The following AKT2 variants were observed in gnomAD, a reference collection of about 807,000 sequenced individuals.
AKT2 encodes the protein AKT serine/threonine kinase 2.
AKT2 carries 16 observed loss-of-function variants against 58.6 expected under a neutral mutation model. That is an observed-to-expected ratio of 0.27 (90% CI 0.18 to 0.41). The LOEUF (loss-of-function observed/expected upper bound fraction) is 0.41. AKT2 is among the 10% of genes least tolerant of loss of function. AKT2 has a pLI of 1.00. For missense variants in AKT2, 438 were observed against 661.0 expected, an observed-to-expected ratio of 0.66 and a Z score of 3.70; for synonymous variants, 253 against 254.0, an observed-to-expected ratio of 1.00 and a Z score of 0.04.
chr19:40,253,538 T>C (rs1215408076), intron 4 of AKT2, among the ~76,000 whole-genome samples: 1 of 151,450 alleles, frequency 6.6e-6, no homozygotes, highest in Non-Finnish European at 1.5e-5. Context: ...GAAAGGAAAG[T>C]TAAACACCCC....
Position 40,235,433 on chromosome 19 carries a change from A to G in AKT2, c.1176-83T>C. 1 of 1,179,910 alleles carries G rather than the reference A, an allele frequency of 8.5e-7. No individual in the cohort carries two copies. Among genetic ancestry groups the G allele is most frequent in the East Asian group, 2.4e-5 (1 of 42,308 alleles). The allele number at this position is 1,179,910 out of a possible 1,614,324, so 73.1% of individuals were successfully genotyped here. On this transcript the variant is annotated intron_variant, in intron 11 of 13. Coordinates refer to ENST00000392038, the MANE Select transcript of AKT2 (RefSeq NM_001626.6). This position sits in a 1 kb window ranked among gnomAD's most constrained non-coding sequence, Gnocchi z 6.3. ...GGCTTTCGGAGCAGGCAGGCCCTGT[A>G]TGGCCCTTAATGATTCTGTCTTGAC...
intron 3 of AKT2, among the ~76,000 whole-genome samples, chr19:40,255,636 G>A (rs942970451): frequency 3.3e-5 from 5 of 152,194 alleles, no homozygotes; most frequent in African/African-American, 1.2e-4. Context: ...GAGGGTACAC[G>A]GAGAACAGAC....
Position 40,242,200 on chromosome 19 carries a change from G to T in AKT2, c.442-131C>A. Reference sequence around the variant, plus strand: ...GGCTTAGGCTGGAGCAGGAAGGGAGGCTCTGGGCAGCAACTGTGTGTTCTG... The same window carrying T: ...GGCTTAGGCTGGAGCAGGAAGGGAGTCTCTGGGCAGCAACTGTGTGTTCTG... On this transcript the variant is annotated intron_variant, in intron 5 of 13. Coordinates refer to ENST00000392038, the MANE Select transcript of AKT2 (RefSeq NM_001626.6). This position sits in a 1 kb window ranked among gnomAD's most constrained non-coding sequence, Gnocchi z 4.3. 2 of 1,316,918 alleles carry T rather than the reference G, an allele frequency of 1.5e-6. No individual in the cohort carries two copies. Among genetic ancestry groups the T allele is most frequent in the Non-Finnish European group, 2.1e-6 (2 of 940,446 alleles). The allele number at this position is 1,316,918 out of a possible 1,614,324, so 81.6% of individuals were successfully genotyped here. A position where few individuals can be genotyped will look rare whatever the true frequency, so the allele number is the denominator to read the frequency against.
intron 1 of AKT2, among the ~76,000 whole-genome samples, chr19:40,265,743 G>C (rs916386022): frequency 2.6e-5 from 4 of 152,066 alleles, no homozygotes; most frequent in African/African-American, 9.7e-5. Context: ...GGCAGCCCAG[G>C]GTACCTGAGG....
At position 40,238,049 on chromosome 19, in the gene AKT2, G is replaced by A. The variant is rs773553776; in HGVS notation, c.751C>T (p.Arg251Trp). ...ATCTCTGCACCATAAAACCGGGCCC[G>A]CTCCTCTGTGAAGACACGCTCCCGG... ...LSRERVFTEE[R>W]ARFYGAEIVS... Residue 251 changes from arginine to tryptophan, a missense_variant, in exon 9 of 14, where the codon CGG (arginine) becomes TGG (tryptophan). Arg to Trp is a moderately radical substitution (Grantham distance 101, BLOSUM62 -3). Coordinates refer to ENST00000392038, the MANE Select transcript of AKT2 (RefSeq NM_001626.6). The surrounding 1 kb of genome is among the most constrained non-coding windows in gnomAD (Gnocchi z 5.1). 6 of 1,608,012 alleles carry A rather than the reference G, an allele frequency of 3.7e-6. No individual in the cohort carries two copies. The highest frequency in any genetic ancestry group is 2.2e-5 in the East Asian group (1 of 44,696).
intron 1 of AKT2, among the ~76,000 whole-genome samples, chr19:40,273,055 C>G (rs1418974779): frequency 3.3e-5 from 5 of 152,212 alleles, no homozygotes; most frequent in East Asian, 1.9e-4. Context: ...CAAATATTAT[C>G]ATCACTGGCC....
rs554056815 is a variant in AKT2 at position 40,281,106 on chromosome 19, T to G, written c.-85+4075A>C. Among the ~76,000 whole-genome samples the G allele has an allele frequency of 2.0e-5, 3 of 152,264 alleles. No homozygotes were observed. The East Asian group carries it at 5.8e-4, about 29-fold the overall frequency. Reference sequence around the variant, plus strand: ...CCTCTCACCCAGGCCCACAGGCCAGTGCAGCACAGCCCCTGCCAACCCCTG... The same window carrying G: ...CCTCTCACCCAGGCCCACAGGCCAGGGCAGCACAGCCCCTGCCAACCCCTG... On this transcript the variant is annotated intron_variant, in intron 1 of 13. Transcript: ENST00000392038.
intron 1 of AKT2, among the ~76,000 whole-genome samples, chr19:40,279,816 G>C (rs529194185): frequency 6.6e-6 from 1 of 152,244 alleles, no homozygotes; most frequent in East Asian, 1.9e-4. Flanking sequence ...CTGGTTGGGG[G>C]ACTCAGCACA....
intron 1 of AKT2, among the ~76,000 whole-genome samples, chr19:40,284,375 G>A (rs1356133572): frequency 6.6e-6 from 1 of 152,114 alleles, no homozygotes; most frequent in African/African-American, 2.4e-5. Flanking sequence ...CCTATGGAAG[G>A]AAAGAACTGT....
At chr19:40,271,288 G>A (rs960647520) in intron 1 of AKT2, among the ~76,000 whole-genome samples, 2 of 149,000 alleles carry the variant, frequency 1.3e-5, no homozygotes, top group African/African-American at 4.9e-5. Context: ...GTAGTCAGGT[G>A]TGGTGGTGTG....
At chr19:40,261,315 C>T (rs549051519) in intron 2 of AKT2, among the ~76,000 whole-genome samples, 1 of 152,062 alleles carries the variant, frequency 6.6e-6, no homozygotes, top group Non-Finnish European at 1.5e-5. Context: ...GGTGGATCAC[C>T]TGAGGTCAGG....
chr19:40,265,216 T>A lies in AKT2; in HGVS notation c.46+6A>T. Reference sequence around the variant, plus strand: ...AAGAATCTGGCGGGCAAAAGCGGCCTCTTACCACGCTTGTGGAGCCAGCCT... The same window carrying A: ...AAGAATCTGGCGGGCAAAAGCGGCCACTTACCACGCTTGTGGAGCCAGCCT... On this transcript the variant is annotated splice_donor_region_variant and intron_variant, in intron 2 of 13. Coordinates refer to ENST00000392038, the MANE Select transcript of AKT2 (RefSeq NM_001626.6). The A allele has an allele frequency of 6.2e-7, 1 of 1,612,744 alleles. No homozygotes were observed.
intron 2 of AKT2, among the ~76,000 whole-genome samples, chr19:40,260,142 ACT>A (rs1364856706): frequency 6.6e-6 from 1 of 151,472 alleles, no homozygotes; most frequent in East Asian, 2.0e-4. Context: ...ACAGAGCAAG[ACT>A]CTGTCTCAAA....
At chr19:40,267,110 G>A (rs1308870041) in intron 1 of AKT2, among the ~76,000 whole-genome samples, 2 of 151,404 alleles carry the variant, frequency 1.3e-5, no homozygotes, top group African/African-American at 2.4e-5. Context: ...GAGTTCCTAC[G>A]CTCCACTCTT....
chr19:40,271,205 A>G (rs1168769061), intron 1 of AKT2, among the ~76,000 whole-genome samples: 1 of 132,838 alleles, frequency 7.5e-6, no homozygotes, highest in Admixed American at 7.2e-5. Context: ...ACGTACATAC[A>G]TACATACATA....
chr19:40,265,507 T>A, intron 1 of AKT2, 156 bp from the exon 2 acceptor site: 1 of 1,001,594 alleles, frequency 1.0e-6, no homozygotes, highest in Non-Finnish European at 1.4e-6. Context: ...CAAGGACCCA[T>A]TCTGAGCAGA....
chr19:40,237,459 A>G lies in AKT2; in HGVS notation c.831+510T>C, dbSNP rs28746190. ...CAGGAGTTTGAGACCAGCCTGGCCAATATGATGAAACCCCGTCTCTACTAA... is the reference window on the plus strand; with the variant it reads ...CAGGAGTTTGAGACCAGCCTGGCCAGTATGATGAAACCCCGTCTCTACTAA... On this transcript the variant is annotated intron_variant, in intron 9 of 13. Transcript: ENST00000392038. The surrounding 1 kb of genome is among the most constrained non-coding windows in gnomAD (Gnocchi z 4.5). 0.11 allele frequency: 17,841 copies of G among 160,296 alleles called. 1,441 individuals are homozygous for G. The highest frequency in any genetic ancestry group is 0.23 in the African/African-American group (9,475 of 41,458). 9.9% of individuals were successfully genotyped at this position (160,296 alleles called of 1,614,324 possible).
intron 2 of AKT2, among the ~76,000 whole-genome samples, chr19:40,262,863 G>C (rs1393005225): frequency 6.6e-6 from 1 of 152,160 alleles, no homozygotes; most frequent in Non-Finnish European, 1.5e-5. Context: ...AACCACCAAG[G>C]GGGTCGGTGG....
Position 40,233,698 on chromosome 19 carries a change from A to G in AKT2, c.*174T>C. 1 of 709,368 alleles carries G rather than the reference A, an allele frequency of 1.4e-6. No homozygotes were observed. The highest frequency in any genetic ancestry group is 2.5e-6 in the Non-Finnish European group (1 of 402,108). The allele number at this position is 709,368 out of a possible 1,614,324, so 43.9% of individuals were successfully genotyped here. A position where few individuals can be genotyped will look rare whatever the true frequency, so the allele number is the denominator to read the frequency against. ...AAAGGTGAGGCTGGAGGCTGGAGGC[A>G]GGGGCTGCAGGGGCCGCTGGGGTGC... On this transcript the variant is annotated 3_prime_UTR_variant, in exon 14 of 14. Coordinates refer to ENST00000392038, the MANE Select transcript of AKT2 (RefSeq NM_001626.6). This position sits in a 1 kb window ranked among gnomAD's most constrained non-coding sequence, Gnocchi z 4.3.
Sources: allele counts gnomAD v4.1 joint callset (sites outside exome capture counted in the v4.1 genomes callset), GRCh38; gene constraint gnomAD v4.1.1; non-coding constraint Gnocchi (gnomAD v3.1); transcripts MANE v1.5; gene names NCBI Gene and HGNC (gene_info 2026-07-23, HGNC 2026-07-21).